Variants in PTPDC1 observed in about 807,000 individuals in gnomAD.
PTPDC1 encodes the protein protein tyrosine phosphatase domain-containing protein 1.
In PTPDC1, 53 loss-of-function variants were observed where a neutral mutation model predicts 75.3. The ratio of observed to expected loss-of-function variants is 0.70; its 90% CI spans 0.56 to 0.88. The LOEUF (loss-of-function observed/expected upper bound fraction) is 0.88. Ranked by LOEUF, PTPDC1 falls within the 40% of genes least tolerant of loss-of-function variation. The probability of loss-of-function intolerance (pLI) is 0.00; values close to 1 mark genes in which losing one functional copy is unlikely to be tolerated. For missense variants in PTPDC1, 925 were observed against 998.6 expected, an observed-to-expected ratio of 0.93 and a Z score of 0.99; for synonymous variants, 349 against 366.2, an observed-to-expected ratio of 0.95 and a Z score of 0.54.
chr9:94,042,666 C>A (rs1214535691), intron 1 of PTPDC1, among the ~76,000 whole-genome samples: 1 of 152,174 alleles, frequency 6.6e-6, no homozygotes. Context: ...CTGCTGAAAG[C>A]TGGGGTGGCT....
intron 1 of PTPDC1, chr9:94,031,156 A>T (rs1829717939): frequency 1.3e-5 from 2 of 152,230 alleles, no homozygotes; most frequent in African/African-American, 4.8e-5. Context: ...GTTTAGCCGC[A>T]CACTCAGTAT....
chr9:94,038,373 A>G, intron 1 of PTPDC1: 1 of 467,926 alleles, frequency 2.1e-6, no homozygotes. Flanking sequence ...ATTTATTACA[A>G]ATGTCTCATG....
chr9:94,107,773 A>T, intron 8 of PTPDC1, 55 bp from the exon 9 acceptor site: 1 of 964,666 alleles, frequency 1.0e-6, no homozygotes, highest in Non-Finnish European at 1.5e-6. Flanking sequence ...CTCAAAATAG[A>T]AACTAGTTCA....
chr9:94,106,647 G>T (rs990550089), intron 8 of PTPDC1, among the ~76,000 whole-genome samples: 1 of 152,148 alleles, frequency 6.6e-6, no homozygotes, highest in Non-Finnish European at 1.5e-5. Context: ...ACAGGTTAAG[G>T]TCTCAGATCC....
Position 94,047,664 on chromosome 9 carries a change from C to A in PTPDC1, c.-7+16537C>A, listed in dbSNP as rs191018801. The stretch of plus-strand genomic sequence containing the variant: ...AGAAAAGATCAACAAAATTGATAGA[C>A]TGCTAACAAGACTAATAAAGAAGAA... On this transcript the variant is annotated intron_variant, in intron 1 of 9. Coordinates refer to the PTPDC1 transcript ENST00000375360. Among the ~76,000 whole-genome samples, 921 of 152,230 alleles carry A rather than the reference C, an allele frequency of 6.1e-3. 12 individuals carry two copies. The highest frequency in any genetic ancestry group is 0.021 in the African/African-American group (862 of 41,544).
intron 4 of PTPDC1, among the ~76,000 whole-genome samples, chr9:94,093,319 T>G (rs371662393): frequency 9.4e-5 from 14 of 149,414 alleles, no homozygotes; most frequent in East Asian, 4.0e-4. Context: ...GTCTGTAAAG[T>G]ATTTTATTTC....
intron 4 of PTPDC1, among the ~76,000 whole-genome samples, chr9:94,091,111 A>C (rs1169097360): frequency 6.6e-6 from 1 of 151,666 alleles, no homozygotes; most frequent in East Asian, 2.0e-4. Flanking sequence ...AGAACTTCCA[A>C]CACTATGTTG....
chr9:94,080,774 C>T (rs1007311289), upstream of PTPDC1, among the ~76,000 whole-genome samples: 1 of 152,122 alleles, frequency 6.6e-6, no homozygotes, highest in African/African-American at 2.4e-5. Context: ...TGTCGTTTTA[C>T]TGTAAGGAAC....
intron 2 of PTPDC1, among the ~76,000 whole-genome samples, chr9:94,065,516 G>C (rs2117873127): frequency 6.6e-6 from 1 of 152,368 alleles, no homozygotes; most frequent in East Asian, 1.9e-4. Context: ...GTATGGATTA[G>C]ATGATAGGAA....
In PTPDC1 at chr9:94,095,455, G is replaced by T; in HGVS notation, c.754+1G>T. 1 of 1,611,454 alleles carries T rather than the reference G, an allele frequency of 6.2e-7. No individual in the cohort carries two copies. The highest frequency in any genetic ancestry group is 8.5e-7 in the Non-Finnish European group (1 of 1,178,898). On this transcript the variant is annotated splice_donor_variant, in intron 5 of 8. Transcript: ENST00000620992. LOFTEE classifies it high-confidence loss of function. The stretch of plus-strand genomic sequence containing the variant: ...TGTCATGCAGGGCTTGGTCGAACAG[G>T]TAGGTCCTAAGAGGTGGTTTATTGC...
rs1215275130 is a variant in PTPDC1, at chr9:94,107,845, A to G, written c.2328A>G (p.Glu776=). The change falls in exon 9 of 9, where the codon GAA becomes GAG. Residue 776 remains glutamate (E), a synonymous_variant. Transcript: ENST00000620992. The stretch of plus-strand genomic sequence containing the variant: ...GTCACCAGGTTAATTTTGATTCTGA[A>G]AATGGACCAACAGTTTACAACACCC... ...KAFTKVNFDS[E]NGPTVYNTLK... is the part of the protein sequence containing the mutation. The G allele has an allele frequency of 1.3e-6, 2 of 1,598,644 alleles. No individual in the cohort carries two copies. Among genetic ancestry groups the G allele is most frequent in the East Asian group, 4.5e-5 (2 of 44,088 alleles).
At position 94,104,257 on chromosome 9, in the gene PTPDC1, T is replaced by G. The variant is rs754930895; in HGVS notation, c.2200-18T>G. 4.4e-6 allele frequency: 7 copies of G among 1,581,594 alleles called. No individual in the cohort carries two copies. The African/African-American group carries it at 9.4e-5, about 21-fold the overall frequency. On this transcript the variant is annotated intron_variant, in intron 7 of 8. Transcript: ENST00000620992. ...ATTTTTTGAAAAATTTTTTAAATTTTGATTTCTACAAAAACAGGGACAGCA... is the reference window on the plus strand; with the variant it reads ...ATTTTTTGAAAAATTTTTTAAATTTGGATTTCTACAAAAACAGGGACAGCA...
intron 1 of PTPDC1, among the ~76,000 whole-genome samples, chr9:94,041,728 A>C (rs961160691): frequency 6.6e-6 from 1 of 152,052 alleles, no homozygotes; most frequent in African/African-American, 2.4e-5. Context: ...CTGTGTTTTG[A>C]GCACTTCCCT....
intron 1 of PTPDC1, among the ~76,000 whole-genome samples, chr9:94,047,328 A>C (rs1234103766): frequency 4.6e-5 from 7 of 152,186 alleles, no homozygotes; most frequent in African/African-American, 1.7e-4. Flanking sequence ...TGTCTCTGCC[A>C]GCCTTTGGTA....
chr9:94,107,854 A>C lies in PTPDC1; in HGVS notation c.2337A>C (p.Pro779=), dbSNP rs763106310. The C allele has an allele frequency of 6.2e-7, 1 of 1,606,216 alleles. No individual in the cohort carries two copies. The highest frequency in any genetic ancestry group is 8.5e-7 in the Non-Finnish European group (1 of 1,177,086). ...TTAATTTTGATTCTGAAAATGGACC[A>C]ACAGTTTACAACACCCTGAAGAAAA... ...TKVNFDSENG[P]TVYNTLKKIF... is the part of the protein sequence containing the mutation. The change falls in exon 9 of 9, where the codon CCA becomes CCC. Residue 779 remains proline (P), a synonymous_variant. Coordinates refer to ENST00000620992, the MANE Select transcript of PTPDC1 (RefSeq NM_001253829.2).
chr9:94,050,289 T>C (rs1470477106), intron 1 of PTPDC1, among the ~76,000 whole-genome samples: 3 of 152,204 alleles, frequency 2.0e-5, no homozygotes, highest in Non-Finnish European at 2.9e-5. Flanking sequence ...GGAGAGGCGC[T>C]CTGATTTTTA....
At chr9:94,107,246 AC>A (rs1828055086) in intron 8 of PTPDC1, among the ~76,000 whole-genome samples, 1 of 152,100 alleles carries the variant, frequency 6.6e-6, no homozygotes. Flanking sequence ...GAGCCACCAC[AC>A]CCAGCCAGTT....
At chr9:94,046,119 T>A (rs1825592081) in intron 1 of PTPDC1, among the ~76,000 whole-genome samples, 1 of 152,220 alleles carries the variant, frequency 6.6e-6, no homozygotes, top group South Asian at 2.1e-4. Flanking sequence ...CCCCATTGCT[T>A]GTTTTTGTCA....
chr9:94,078,118 TC>T (rs1357870104), intron 2 of PTPDC1, among the ~76,000 whole-genome samples: 6 of 152,206 alleles, frequency 3.9e-5, no homozygotes, highest in African/African-American at 1.4e-4. Flanking sequence ...CAGTGTCCTT[TC>T]TTTCACATGG....
Sources: gnomAD v4.1 joint callset for allele counts (sites outside exome capture counted in the v4.1 genomes callset) on GRCh38, gnomAD v4.1.1 for gene constraint, MANE v1.5 for transcripts, NCBI Gene and HGNC (gene_info 2026-07-23, HGNC 2026-07-21) for gene names.